Variants in CFAP65 observed in about 807,000 individuals in gnomAD.
The protein encoded by CFAP65 is cilia- and flagella-associated protein 65.
CFAP65 carries 155 observed loss-of-function variants against 208.0 expected under a neutral mutation model. The observed-to-expected ratio is 0.75, with a 90% CI of 0.65 to 0.85. The LOEUF is 0.85. Ranked by LOEUF, CFAP65 falls within the 40% of genes least tolerant of loss-of-function variation. The probability of loss-of-function intolerance (pLI) is 0.00; values close to 1 mark genes in which losing one functional copy is unlikely to be tolerated. For missense variants in CFAP65, 2,294 were observed against 2,451.3 expected, an observed-to-expected ratio of 0.94 and a Z score of 1.36; for synonymous variants, 970 against 986.3, an observed-to-expected ratio of 0.98 and a Z score of 0.31.
chr2:219,019,776 G>T, intron 19 of CFAP65, 57 bp from the exon 20 acceptor site: 2 of 1,474,162 alleles, frequency 1.4e-6, no homozygotes, highest in East Asian at 2.3e-5. Flanking sequence ...TCCCTGGAGG[G>T]GGCATGCAGG....
rs916020467 is a variant in CFAP65, at chr2:219,003,208, C to T, written c.5620G>A (p.Glu1874Lys). 1 of 1,548,756 alleles carries T rather than the reference C, an allele frequency of 6.5e-7. No individual in the cohort carries two copies. Among genetic ancestry groups the T allele is most frequent in the Non-Finnish European group, 8.7e-7 (1 of 1,146,090 alleles). The change falls in exon 34 of 35, where the codon GAG (glutamate) becomes AAG (lysine). Residue 1874 changes from glutamate to lysine, a missense_variant. Coordinates refer to ENST00000341552, the MANE Select transcript of CFAP65 (RefSeq NM_194302.4). The surrounding 1 kb of genome is among the most constrained non-coding windows in gnomAD (Gnocchi z 4.4). ...LENMIQNILV[E>K]ASRGEVVLTS... ...AGTACCACCTCCCCGCGGCTCGCCTCCACCAGGATGTTCTGGATCATGTTC... is the reference window on the plus strand; with the variant it reads ...AGTACCACCTCCCCGCGGCTCGCCTTCACCAGGATGTTCTGGATCATGTTC...
intron 4 of CFAP65, among the ~76,000 whole-genome samples, chr2:219,037,667 C>T (rs1948446096): frequency 1.3e-5 from 2 of 152,162 alleles, no homozygotes; most frequent in Admixed American, 6.5e-5. Context: ...CCTCCTAGCT[C>T]AGAGCAGAGC....
chr2:219,031,151 C>G lies in CFAP65; in HGVS notation c.970G>C (p.Gly324Arg), dbSNP rs776248594. 6.2e-7 allele frequency: 1 copy of G among 1,606,502 alleles called. No homozygotes were observed. The highest frequency in any genetic ancestry group is 8.5e-7 in the Non-Finnish European group (1 of 1,176,862). ...IYEVQATCWYGAGSRQRSSIQ... is the reference protein window; with the variant it reads ...IYEVQATCWYRAGSRQRSSIQ... ...CTGCTCCTCTGCCGGCTGCCCGCCC[C>G]GTACCAGCACGTGGCCTGCACCTCG... Residue 324 changes from glycine (G) to arginine (R), a missense_variant, in exon 8 of 35, where the codon GGG becomes CGG. Physicochemically the swap from Gly to Arg is moderately radical, Grantham distance 125. Transcript: ENST00000341552. The surrounding 1 kb of genome is among the most constrained non-coding windows in gnomAD (Gnocchi z 5.2).
chr2:219,009,500 A>T, intron 27 of CFAP65, 40 bp from the exon 28 acceptor site: 1 of 1,368,312 alleles, frequency 7.3e-7, no homozygotes, highest in South Asian at 1.2e-5. Context: ...ATTCACAGGG[A>T]TGGAATTGGA....
Position 219,021,771 on chromosome 2 carries a change from C to T in CFAP65, c.3130+9G>A. 1.9e-6 allele frequency: 3 copies of T among 1,613,018 alleles called. No individual in the cohort carries two copies. Among genetic ancestry groups the T allele is most frequent in the Non-Finnish European group, 2.5e-6 (3 of 1,179,750 alleles). ...CCCCTGGCCCCAGTCCCAGCTCAGG[C>T]CCAAGTACCGAGGGGGTGGTTGTCA... is the stretch of plus-strand genomic sequence containing the variant. On this transcript the variant is annotated intron_variant, in intron 18 of 34. Transcript: ENST00000341552.
chr2:219,005,290 T>C lies in CFAP65; in HGVS notation c.5051+144A>G. 12 of 1,123,598 alleles carry C rather than the reference T, an allele frequency of 1.1e-5. No homozygotes were observed. The South Asian group carries it at 1.5e-4, about 14-fold the overall frequency. The allele number at this position is 1,123,598 out of a possible 1,614,324, so 69.6% of individuals were successfully genotyped here. A position where few individuals can be genotyped will look rare whatever the true frequency, so the allele number is the denominator to read the frequency against. ...ACCCGCCCACTGCTGCCTCCCAAAGTGTTGGAATTACAGGCAAGAACCTCC... is the reference window on the plus strand; with the variant it reads ...ACCCGCCCACTGCTGCCTCCCAAAGCGTTGGAATTACAGGCAAGAACCTCC... On this transcript the variant is annotated intron_variant, in intron 32 of 34. Coordinates refer to ENST00000341552, the MANE Select transcript of CFAP65 (RefSeq NM_194302.4).
Position 219,002,991 on chromosome 2 carries a change from C to T in CFAP65, c.5724G>A (p.Thr1908=), listed in dbSNP as rs1481945477. The part of the protein sequence containing the change: ...RSLTPDTLLP[T]QQAEVLHPVV... ...CCGGGTGGAGTACCTCTGCTTGCTG[C>T]GTCGGCAGCAGCGTGTCCGGGGTCA... is the stretch of plus-strand genomic sequence containing the variant. The change falls in exon 35 of 35, where the codon ACG becomes ACA. Residue 1908 remains threonine, a synonymous_variant. Coordinates refer to ENST00000341552, the MANE Select transcript of CFAP65 (RefSeq NM_194302.4). This position sits in a 1 kb window ranked among gnomAD's most constrained non-coding sequence, Gnocchi z 7.9. 1.9e-6 allele frequency: 3 copies of T among 1,563,630 alleles called. No individual in the cohort carries two copies. The highest frequency in any genetic ancestry group is 2.6e-6 in the Non-Finnish European group (3 of 1,153,554).
chr2:219,003,774 G>T lies in CFAP65; in HGVS notation c.5555+178C>A, dbSNP rs1479402866. On this transcript the variant is annotated intron_variant, in intron 33 of 34. Transcript: ENST00000341552. The surrounding 1 kb of genome is among the most constrained non-coding windows in gnomAD (Gnocchi z 4.4). ...CTTAGAGAAAAAAGAATAAAGTTCA[G>T]TGTTGGTGCCGGGCGGATACTCCCA... 6.6e-6 allele frequency among the ~76,000 whole-genome samples: 1 copy of T among 152,228 alleles called. No homozygotes were observed. Among genetic ancestry groups the T allele is most frequent in the Non-Finnish European group, 1.5e-5 (1 of 68,050 alleles).
chr2:219,030,666 C>T (rs369496953), intron 9 of CFAP65, 23 bp downstream of exon 9: 58 of 1,607,238 alleles, frequency 3.6e-5, no homozygotes, highest in Non-Finnish European at 4.3e-5. Context: ...TGAGTCCTGC[C>T]GCCCCTCCTG....
intron 24 of CFAP65, 115 bp from the exon 25 acceptor site, chr2:219,011,111 T>G: frequency 1.1e-6 from 1 of 886,052 alleles, no homozygotes; most frequent in South Asian, 1.9e-5. Flanking sequence ...TGTCACCCTT[T>G]GAGTCTGTGA....
At chr2:219,026,387 C>T (rs1434066284) in intron 13 of CFAP65, among the ~76,000 whole-genome samples, 8 of 152,072 alleles carry the variant, frequency 5.3e-5, no homozygotes, top group East Asian at 1.9e-4. Flanking sequence ...CCTCACAACC[C>T]GGGAGGAGGG....
rs777132721 is a variant in CFAP65 at position 219,028,013 on chromosome 2, C to T, written c.1852-4G>A. ...GGGCCGGCATGTCCTCCAGATCCTG[C>T]ATGGGGAAAGACAGGTGGATAGGGC... is the stretch of plus-strand genomic sequence containing the variant. On this transcript the variant is annotated splice_region_variant and splice_polypyrimidine_tract_variant and intron_variant, in intron 12 of 34. Coordinates refer to ENST00000341552, the MANE Select transcript of CFAP65 (RefSeq NM_194302.4). The T allele has an allele frequency of 6.6e-7, 1 of 1,516,972 alleles. No individual in the cohort carries two copies. Among genetic ancestry groups the T allele is most frequent in the Non-Finnish European group, 8.8e-7 (1 of 1,134,134 alleles). 94.0% of individuals were successfully genotyped at this position (1,516,972 alleles called of 1,614,324 possible).
At chr2:219,009,204 G>A in intron 28 of CFAP65, 50 bp from the exon 29 acceptor site, 1 of 1,561,058 alleles carries the variant, frequency 6.4e-7, no homozygotes, top group Non-Finnish European at 8.8e-7. Context: ...AGCTTGCCCG[G>A]GGCCTATGCT....
In CFAP65 at chr2:219,019,627, T is replaced by C. The variant is rs1947143809; in HGVS notation, c.3352A>G (p.Ser1118Gly). 3 of 1,613,676 alleles carry C rather than the reference T, an allele frequency of 1.9e-6. No homozygotes were observed. Among genetic ancestry groups the C allele is most frequent in the African/African-American group, 1.3e-5 (1 of 74,936 alleles). Reference protein sequence around the residue: ...LSILDVSSMGSAEGITRKHLW... With the variant: ...LSILDVSSMGGAEGITRKHLW... ...TGCTTCCGGGTGATACCCTCAGCAC[T>C]GCCCATGGAGCTGACATCCAGGATG... Residue 1118 changes from serine (S) to glycine (G), a missense_variant, in exon 20 of 35, where the codon AGT becomes GGT. Around this residue, in one of 2 missense-constraint regions of CFAP65, gnomAD observed 1,427 missense variants for 1,438.7 expected, o/e 0.99. Coordinates refer to ENST00000341552, the MANE Select transcript of CFAP65 (RefSeq NM_194302.4).
In CFAP65 at chr2:219,020,895, G is replaced by A. The variant is rs544777059; in HGVS notation, c.3259+257C>T. Among the ~76,000 whole-genome samples, 6 of 152,262 alleles carry A rather than the reference G, an allele frequency of 3.9e-5. 1 individual carries two copies. In the South Asian group the frequency reaches 1.2e-3, roughly 32 times the overall value. On this transcript the variant is annotated intron_variant, in intron 19 of 34. Coordinates refer to ENST00000341552, the MANE Select transcript of CFAP65 (RefSeq NM_194302.4). ...GGAGAAGGAAGATGAGGCCCAGCGA[G>A]GCTTGGGGGCTAAGATTTCACAATA...
Position 219,004,164 on chromosome 2 carries a change from T to C in CFAP65, c.5343A>G (p.Glu1781=). Residue 1781 remains glutamate (E), a synonymous_variant, in exon 33 of 35, where the codon GAA becomes GAG. Coordinates refer to ENST00000341552, the MANE Select transcript of CFAP65 (RefSeq NM_194302.4). This position sits in a 1 kb window ranked among gnomAD's most constrained non-coding sequence, Gnocchi z 4.7. ...EEEELEEEEE[E]EEETEEEELG... ...ACTCCTCCTCTTCTGTCTCCTCTTCTTCCTCCTCTTCCTCCTCCAACTCTT... is the reference window on the plus strand; with the variant it reads ...ACTCCTCCTCTTCTGTCTCCTCTTCCTCCTCCTCTTCCTCCTCCAACTCTT... 1 of 1,613,882 alleles carries C rather than the reference T, an allele frequency of 6.2e-7. No individual in the cohort carries two copies. Among genetic ancestry groups the C allele is most frequent in the Non-Finnish European group, 8.5e-7 (1 of 1,179,998 alleles).
intron 21 of CFAP65, chr2:219,015,452 C>G (rs1946810665): frequency 6.6e-6 from 1 of 152,206 alleles, no homozygotes; most frequent in African/African-American, 2.4e-5. Flanking sequence ...GGCCTGGAAG[C>G]CTCAGTAGGA....
At position 219,028,391 on chromosome 2, in the gene CFAP65, AACAGTGGGTCCTGTG is replaced by A; in HGVS notation, c.1651-5_1660del. 1 of 1,612,862 alleles carries A rather than the reference AACAGTGGGTCCTGTG, an allele frequency of 6.2e-7. No individual in the cohort carries two copies. Among genetic ancestry groups the A allele is most frequent in the Non-Finnish European group, 8.5e-7 (1 of 1,179,870 alleles). ...GTGGCAGGTCCCCATCAGGTCCAGG[AACAGTGGGTCCTGTG>A]ACATTTGTCTGTGTGTGGTGGGGCA... is the stretch of plus-strand genomic sequence containing the variant. On this transcript the variant is annotated splice_acceptor_variant and splice_polypyrimidine_tract_variant and coding_sequence_variant and intron_variant, in exon 12 of 35. Transcript: ENST00000341552. LOFTEE classifies it high-confidence loss of function.
At position 219,003,157 on chromosome 2, in the gene CFAP65, G is replaced by A. The variant is rs1945695087; in HGVS notation, c.5671C>T (p.Leu1891=). 13 of 1,544,794 alleles carry A rather than the reference G, an allele frequency of 8.4e-6. No individual in the cohort carries two copies. Among genetic ancestry groups the A allele is most frequent in the Non-Finnish European group, 1.1e-5 (13 of 1,143,334 alleles). ...TACCTGGGCACGCAGAACGGCGGCA[G>A]GGCGATGACGCGTGGCCGCGAGGTG... ...VLTSRPRVIA[L]PPFCVPRSLT... Residue 1891 remains leucine, a synonymous_variant, in exon 34 of 35, where the codon CTG becomes TTG. Coordinates refer to ENST00000341552, the MANE Select transcript of CFAP65 (RefSeq NM_194302.4). The surrounding 1 kb of genome is among the most constrained non-coding windows in gnomAD (Gnocchi z 4.4).
Sources: gnomAD v4.1 joint callset for allele counts (sites outside exome capture counted in the v4.1 genomes callset) on GRCh38, gnomAD v4.1.1 for gene constraint, gnomAD v4.1.1 regional missense constraint, Gnocchi (gnomAD v3.1) non-coding constraint, MANE v1.5 for transcripts, NCBI Gene and HGNC (gene_info 2026-07-23, HGNC 2026-07-21) for gene names.